Variants in CACNA1C observed in about 807,000 individuals in gnomAD.
The protein encoded by CACNA1C is calcium voltage-gated channel subunit alpha1 C.
A neutral mutation model predicts 229.0 loss-of-function variants in CACNA1C; 30 were observed. The ratio of observed to expected loss-of-function variants is 0.13; its 90% CI spans 0.10 to 0.18. CACNA1C has a LOEUF of 0.18. CACNA1C is among the 10% of genes least tolerant of loss of function. The pLI is 1.00. For synonymous variants in CACNA1C, 1,114 were observed against 1,132.5 expected, an observed-to-expected ratio of 0.98 and a Z score of 0.33; for missense variants, 1,658 against 2,845.0, an observed-to-expected ratio of 0.58 and a Z score of 9.49.
At chr12:2,210,090 G>C (rs2097872686) in intron 3 of CACNA1C, among the ~76,000 whole-genome samples, 1 of 152,216 alleles carries the variant, frequency 6.6e-6, no homozygotes, top group Non-Finnish European at 1.5e-5. Context: ...TTCTAAAAAT[G>C]GCAGATGCAA....
intron 13 of CACNA1C, among the ~76,000 whole-genome samples, chr12:2,578,758 G>T (rs577659746): frequency 6.6e-6 from 1 of 152,162 alleles, no homozygotes; most frequent in Non-Finnish European, 1.5e-5. Flanking sequence ...GCACGAACCC[G>T]GTGTTGTGCA....
intron 9 of CACNA1C, among the ~76,000 whole-genome samples, chr12:2,532,426 C>T (rs533372775): frequency 6.6e-6 from 1 of 152,340 alleles, no homozygotes; most frequent in Admixed American, 6.5e-5. Flanking sequence ...CCCGCTCCCC[C>T]ACAGTATTAT....
intron 9 of CACNA1C, among the ~76,000 whole-genome samples, chr12:2,521,811 C>T (rs921801510): frequency 5.3e-5 from 8 of 152,196 alleles, no homozygotes; most frequent in Non-Finnish European, 1.2e-4. Flanking sequence ...CCCGTTCCCA[C>T]GCAACCTGTG....
At chr12:2,453,420 C>T (rs930871606) in intron 4 of CACNA1C, among the ~76,000 whole-genome samples, 1 of 152,154 alleles carries the variant, frequency 6.6e-6, no homozygotes, top group Admixed American at 6.5e-5. Context: ...ACTCCTAATA[C>T]CTGGGCTCCC....
At chr12:2,328,040 T>C (rs991123891) in intron 3 of CACNA1C, among the ~76,000 whole-genome samples, 13 of 152,236 alleles carry the variant, frequency 8.5e-5, no homozygotes, top group African/African-American at 3.1e-4. Flanking sequence ...AGGGGGGCAG[T>C]TCTTTGCAGA....
intron 1 of CACNA1C, among the ~76,000 whole-genome samples, chr12:2,076,351 T>A (rs1298112559): frequency 2.6e-5 from 4 of 152,216 alleles, no homozygotes; most frequent in African/African-American, 9.6e-5. Flanking sequence ...ATGCGTAATG[T>A]TCTTGCTTTG....
chr12:2,599,304 G>A (rs905251252), intron 21 of CACNA1C, among the ~76,000 whole-genome samples: 3 of 152,120 alleles, frequency 2.0e-5, no homozygotes, highest in East Asian at 3.9e-4. Flanking sequence ...CCCTCTTCCC[G>A]GCCTAAGGCC....
intron 3 of CACNA1C, among the ~76,000 whole-genome samples, chr12:2,164,702 C>A (rs1188999948): frequency 6.6e-6 from 1 of 152,206 alleles, no homozygotes; most frequent in Non-Finnish European, 1.5e-5. Context: ...ATCAGACAAA[C>A]TTGGGTTTCA....
rs2099650276 is a variant in CACNA1C at position 2,479,135 on chromosome 12, T to C, written c.758-6969T>C. ...GGATAGTGAGGTTCAAGGGCAGTTA[T>C]GGGGCTCGGTGGGCACAGTAAGGAC... On this transcript the variant is annotated intron_variant, in intron 5 of 46. Transcript: ENST00000399655. This position sits in a 1 kb window ranked among gnomAD's most constrained non-coding sequence, Gnocchi z 4.3. Among the ~76,000 whole-genome samples the C allele has an allele frequency of 6.6e-6, 1 of 152,176 alleles. No individual in the cohort carries two copies. Among genetic ancestry groups the C allele is most frequent in the Non-Finnish European group, 1.5e-5 (1 of 68,018 alleles).
At position 2,467,601 on chromosome 12, in the gene CACNA1C, G is replaced by A. The variant is rs2099565565; in HGVS notation, c.757+9895G>A. 6.6e-6 allele frequency among the ~76,000 whole-genome samples: 1 copy of A among 152,138 alleles called. No individual in the cohort carries two copies. Among genetic ancestry groups the A allele is most frequent in the South Asian group, 2.1e-4 (1 of 4,832 alleles). Reference sequence around the variant, plus strand: ...AGCCAGAGACAGCAGGGGGTGGCGGGGGGCCCTTCACACTGCAGGAGGCTT... The same window carrying A: ...AGCCAGAGACAGCAGGGGGTGGCGGAGGGCCCTTCACACTGCAGGAGGCTT... On this transcript the variant is annotated intron_variant, in intron 5 of 46. Coordinates refer to ENST00000399655, the MANE Select transcript of CACNA1C (RefSeq NM_000719.7). This position sits in a 1 kb window ranked among gnomAD's most constrained non-coding sequence, Gnocchi z 4.6.
chr12:2,466,290 G>A lies in CACNA1C; in HGVS notation c.757+8584G>A, dbSNP rs141557532. Among the ~76,000 whole-genome samples, 6 of 152,316 alleles carry A rather than the reference G, an allele frequency of 3.9e-5. No homozygotes were observed. The East Asian group carries it at 5.8e-4, about 15-fold the overall frequency. On this transcript the variant is annotated intron_variant, in intron 5 of 46. Coordinates refer to ENST00000399655, the MANE Select transcript of CACNA1C (RefSeq NM_000719.7). ...GCCACAGCAGATTTGCAATCCCATC[G>A]TGGCTCCCAGGAAAGTGTTTTCTGG...
intron 11 of CACNA1C, among the ~76,000 whole-genome samples, chr12:2,564,013 C>G (rs1175598282): frequency 6.6e-6 from 1 of 152,182 alleles, no homozygotes; most frequent in African/African-American, 2.4e-5. Flanking sequence ...TGATGGTCAT[C>G]TCTGGCAGGA....
At position 2,674,806 on chromosome 12, in the gene CACNA1C, T is replaced by C. The variant is rs2302729; in HGVS notation, c.4828+164T>C. ...GAGGTCTGCCTTCAGACCCTTCCTG[T>C]GGGGCTCAGAGGCCCTGTTGGTTAG... is the stretch of plus-strand genomic sequence containing the variant. On this transcript the variant is annotated intron_variant, in intron 39 of 46. Transcript: ENST00000399655. Among the ~76,000 whole-genome samples, 108,094 of 152,134 alleles carry C rather than the reference T, an allele frequency of 0.71. 40,573 individuals are homozygous for C. Among genetic ancestry groups the C allele is most frequent in the South Asian group, 0.85 (4,088 of 4,822 alleles).
At chr12:2,148,233 G>A (rs1256186535) in intron 3 of CACNA1C, among the ~76,000 whole-genome samples, 5 of 151,148 alleles carry the variant, frequency 3.3e-5, no homozygotes, top group African/African-American at 1.2e-4. Flanking sequence ...ACTCCCTGTT[G>A]CCCGATGGTT....
intron 3 of CACNA1C, among the ~76,000 whole-genome samples, chr12:2,239,627 C>T (rs565368437): frequency 2.0e-5 from 3 of 152,282 alleles, no homozygotes; most frequent in Non-Finnish European, 4.4e-5. Context: ...TTCCCTCCCA[C>T]TCGCCTCCCA....
At chr12:2,661,473 A>T (rs1294359442) in intron 34 of CACNA1C, among the ~76,000 whole-genome samples, 2 of 152,184 alleles carry the variant, frequency 1.3e-5, no homozygotes, top group Non-Finnish European at 2.9e-5. Context: ...AATTAAAAAA[A>T]AACAACTACA....
At chr12:2,569,407 T>C (rs1295914163) in intron 13 of CACNA1C, among the ~76,000 whole-genome samples, 3 of 152,230 alleles carry the variant, frequency 2.0e-5, no homozygotes, top group Non-Finnish European at 4.4e-5. Context: ...ATGTTCTAGT[T>C]GTAGAACATT....
chr12:2,002,836 C>A (rs2042480389), intron 1 of CACNA1C, among the ~76,000 whole-genome samples: 1 of 152,068 alleles, frequency 6.6e-6, no homozygotes. Flanking sequence ...TTTTTAATTA[C>A]CATGGAGGAA....
chr12:2,157,201 A>G (rs2095597382), intron 3 of CACNA1C, among the ~76,000 whole-genome samples: 1 of 152,236 alleles, frequency 6.6e-6, no homozygotes, highest in South Asian at 2.1e-4. Flanking sequence ...GCATATGTTA[A>G]TTAGCTAGAT....
Sources: gnomAD v4.1 joint callset for allele counts (sites outside exome capture counted in the v4.1 genomes callset) on GRCh38, gnomAD v4.1.1 for gene constraint, Gnocchi (gnomAD v3.1) non-coding constraint, MANE v1.5 for transcripts, NCBI Gene and HGNC (gene_info 2026-07-23, HGNC 2026-07-21) for gene names.